Variants in CFLAR observed in about 807,000 individuals in gnomAD.
CFLAR encodes the protein CASP8 and FADD-like apoptosis regulator.
A neutral mutation model predicts 51.1 loss-of-function variants in CFLAR; 14 were observed. The ratio of observed to expected loss-of-function variants is 0.27; its 90% confidence interval spans 0.18 to 0.43. The LOEUF (loss-of-function observed/expected upper bound fraction) is 0.43, where lower values mean the gene tolerates loss of function less well. Among genes scored for constraint, CFLAR ranks in the 20% least tolerant of loss-of-function variants. The pLI, the probability that CFLAR is intolerant of heterozygous loss-of-function variation, is 1.00. For synonymous variants in CFLAR, 210 were observed against 211.6 expected (o/e 0.99, Z 0.06); for missense variants, 390 against 566.5 (o/e 0.69, Z 3.16).
rs1943346452 is a variant in CFLAR, at chr2:201,164,353, A to T, written c.*380A>T. The T allele has an allele frequency of 6.4e-6, 1 of 157,232 alleles. No individual in the cohort carries two copies. Among genetic ancestry groups the T allele is most frequent in the South Asian group, 1.8e-4 (1 of 5,492 alleles). 9.7% of individuals were successfully genotyped at this position (157,232 alleles called of 1,614,324 possible). Reference sequence around the variant, plus strand: ...GTTTCTCTAGAGGGACAGAACTAATAGGATACATGTATATAAAAAGGGGAG... The same window carrying T: ...GTTTCTCTAGAGGGACAGAACTAATTGGATACATGTATATAAAAAGGGGAG... On this transcript the variant is annotated 3_prime_UTR_variant, in exon 10 of 10. Transcript: ENST00000309955.
At chr2:201,130,187 G>GGA in intron 2 of CFLAR, 41 bp downstream of exon 2, 3 of 292,388 alleles carry the variant, frequency 1.0e-5, no homozygotes, top group East Asian at 9.3e-5. Context: ...GGGTGGGAGG[G>GGA]AGTGAAGTGT....
intron 7 of CFLAR, 32 bp from the exon 8 acceptor site, chr2:201,149,720 CAG>C (rs760646519): frequency 6.6e-7 from 1 of 1,524,604 alleles, no homozygotes; most frequent in East Asian, 2.3e-5. Flanking sequence ...GAGCAATATC[CAG>C]AGTCTTTAGC....
At chr2:201,140,755 G>GTA (rs1253345171) in intron 5 of CFLAR, 53 of 191,618 alleles carry the variant, frequency 2.8e-4, no homozygotes, top group African/African-American at 1.3e-3. Context: ...GTATCTGTAT[G>GTA]TATGTATATA....
Position 201,164,096 on chromosome 2 carries a change from C to T in CFLAR, c.*123C>T. On this transcript the variant is annotated 3_prime_UTR_variant, in exon 10 of 10. Transcript: ENST00000309955. Reference sequence around the variant, plus strand: ...GCCTGGCCAACATGGTAAACGCTGTCCCTAGTAAAAATACAAAAATTAGCT... The same window carrying T: ...GCCTGGCCAACATGGTAAACGCTGTTCCTAGTAAAAATACAAAAATTAGCT... 1.5e-6 allele frequency: 1 copy of T among 687,970 alleles called. No homozygotes were observed. The highest frequency in any genetic ancestry group is 2.3e-6 in the Non-Finnish European group (1 of 436,448). The allele number at this position is 687,970 out of a possible 1,614,324, so 42.6% of individuals were successfully genotyped here.
rs1266683172 is a variant in CFLAR at position 201,170,727 on chromosome 2, G to A, written c.*6754G>A. The stretch of plus-strand genomic sequence containing the variant: ...TAATCTTTGTATGTGTTCATGTATA[G>A]CTTTTACATGATTGGAATCATAATG... On this transcript the variant is annotated 3_prime_UTR_variant, in exon 10 of 10. Coordinates refer to ENST00000309955, the MANE Select transcript of CFLAR (RefSeq NM_003879.7). The A allele has an allele frequency of 4.6e-5, 7 of 152,080 alleles. No individual in the cohort carries two copies. Among genetic ancestry groups the A allele is most frequent in the African/African-American group, 1.7e-4 (7 of 41,400 alleles). 9.4% of individuals were successfully genotyped at this position (152,080 alleles called of 1,614,324 possible).
At chr2:201,127,366 C>T (rs1374122435) in intron 1 of CFLAR, among the ~76,000 whole-genome samples, 1 of 152,070 alleles carries the variant, frequency 6.6e-6, no homozygotes, top group Non-Finnish European at 1.5e-5. Flanking sequence ...CTCTAAAGAA[C>T]TCATTCATCT....
chr2:201,138,562 G>A lies in CFLAR; in HGVS notation c.524-1795G>A. 1 of 1,595,868 alleles carries A rather than the reference G, an allele frequency of 6.3e-7. No homozygotes were observed. ...AGGGTGGTGTGGTCCTTCTCAGCAA[G>A]AAAGTCGATGTCTCGGGAGGTGACG... is the stretch of plus-strand genomic sequence containing the variant. On this transcript the variant is annotated intron_variant, in intron 4 of 9. Coordinates refer to ENST00000309955, the MANE Select transcript of CFLAR (RefSeq NM_003879.7). This position sits in a 1 kb window ranked among gnomAD's most constrained non-coding sequence, Gnocchi z 4.0.
chr2:201,163,298 C>G (rs1943240015), intron 9 of CFLAR: 1 of 1,265,812 alleles, frequency 7.9e-7, no homozygotes, highest in South Asian at 2.0e-5. Flanking sequence ...TCCATTTAAG[C>G]TGAATGAAGC....
rs1399355777 is a variant in CFLAR at position 201,171,246 on chromosome 2, C to T, written c.*7273C>T. 6.6e-6 allele frequency: 1 copy of T among 152,018 alleles called. No homozygotes were observed. The highest frequency in any genetic ancestry group is 1.5e-5 in the Non-Finnish European group (1 of 68,012). The allele number at this position is 152,018 out of a possible 1,614,324, so 9.4% of individuals were successfully genotyped here. A position where few individuals can be genotyped will look rare whatever the true frequency, so the allele number is the denominator to read the frequency against. On this transcript the variant is annotated 3_prime_UTR_variant, in exon 10 of 10. Transcript: ENST00000309955. ...TGCACCAGAATCTCACAAGTAACCA[C>T]TTAATTACTTACGCATGTAACCAGA...
At chr2:201,149,132 T>A in intron 7 of CFLAR, 80 bp downstream of exon 7, 1 of 941,216 alleles carries the variant, frequency 1.1e-6, no homozygotes, top group Non-Finnish European at 1.7e-6. Flanking sequence ...TACCTGTCCA[T>A]TAAGAATTCT....
chr2:201,157,450 A>G (rs1394658207), intron 8 of CFLAR, among the ~76,000 whole-genome samples: 1 of 151,304 alleles, frequency 6.6e-6, no homozygotes, highest in Non-Finnish European at 1.5e-5. Flanking sequence ...CCTCACAGTC[A>G]CCTTTTGAAG....
At position 201,165,636 on chromosome 2, in the gene CFLAR, T is replaced by C; in HGVS notation, c.*1663T>C. On this transcript the variant is annotated 3_prime_UTR_variant, in exon 10 of 10. Transcript: ENST00000309955. ...CTTGGGTGTTTCTCACAGAGGGTGA[T>C]TTGGCAGGGTCACAGGACAATAGTG... 1 of 157,176 alleles carries C rather than the reference T, an allele frequency of 6.4e-6. No homozygotes were observed. Among genetic ancestry groups the C allele is most frequent in the Non-Finnish European group, 1.4e-5 (1 of 72,062 alleles). The allele number at this position is 157,176 out of a possible 1,614,324, so 9.7% of individuals were successfully genotyped here. A position where few individuals can be genotyped will look rare whatever the true frequency, so the allele number is the denominator to read the frequency against.
chr2:201,155,557 C>G (rs1200481293), intron 8 of CFLAR, among the ~76,000 whole-genome samples: 2 of 152,066 alleles, frequency 1.3e-5, no homozygotes, highest in Non-Finnish European at 2.9e-5. Context: ...AGCCATCGCA[C>G]CTGGCCAAGA....
At position 201,124,649 on chromosome 2, in the gene CFLAR, C is replaced by T. The variant is rs1327417141; in HGVS notation, c.-137-5080C>T. On this transcript the variant is annotated intron_variant, in intron 1 of 9. Transcript: ENST00000309955. The surrounding 1 kb of genome is among the most constrained non-coding windows in gnomAD (Gnocchi z 4.7). ...CGCGCCTGGCCAGTTCAGGCATGAA[C>T]TTTAGAAATTTCACTTAGATGGAAG... 1.3e-5 allele frequency among the ~76,000 whole-genome samples: 2 copies of T among 152,074 alleles called. No homozygotes were observed. Among genetic ancestry groups the T allele is most frequent in the African/African-American group, 2.4e-5 (1 of 41,402 alleles).
intron 5 of CFLAR, chr2:201,140,811 A>AT (rs1333446828): frequency 7.5e-5 from 12 of 159,696 alleles, no homozygotes; most frequent in East Asian, 3.6e-4. Context: ...ACAATTGGAC[A>AT]TTTTTTTCAC....
In CFLAR at chr2:201,166,221, C is replaced by G. The variant is rs574832871; in HGVS notation, c.*2248C>G. The G allele has an allele frequency of 6.4e-6, 1 of 157,088 alleles. No homozygotes were observed. Among genetic ancestry groups the G allele is most frequent in the Non-Finnish European group, 1.4e-5 (1 of 71,982 alleles). 9.7% of individuals were successfully genotyped at this position (157,088 alleles called of 1,614,324 possible). A position where few individuals can be genotyped will look rare whatever the true frequency, so the allele number is the denominator to read the frequency against. ...GCTGGCCGGGCGGGGGCTGACCCCC[C>G]ACCTCCCTCCCCGACGGGGCGGCTG... is the stretch of plus-strand genomic sequence containing the variant. On this transcript the variant is annotated 3_prime_UTR_variant, in exon 10 of 10. Transcript: ENST00000309955.
At chr2:201,152,970 C>T (rs1941526345) in intron 8 of CFLAR, 1 of 152,242 alleles carries the variant, frequency 6.6e-6, no homozygotes, top group Non-Finnish European at 1.5e-5. Flanking sequence ...TATCTGTATA[C>T]GAGCTCCAAG....
Position 201,160,738 on chromosome 2 carries a change from T to G in CFLAR, c.1100T>G (p.Leu367Arg), listed in dbSNP as rs1449022022. ...AACTATGTGGTGTCAGAGGGCCAGC[T>G]GGAGGACAGCAGCCTCTTGGAGGTG... ...IQNYVVSEGQ[L>R]EDSSLLEVDG... Residue 367 changes from leucine (L) to arginine (R), a missense_variant, in exon 9 of 10, where the codon CTG (leucine) becomes CGG (arginine). Leu to Arg is a moderately radical substitution (Grantham distance 102). Coordinates refer to ENST00000309955, the MANE Select transcript of CFLAR (RefSeq NM_003879.7). The G allele has an allele frequency of 6.2e-7, 1 of 1,614,166 alleles. No individual in the cohort carries two copies.
chr2:201,124,104 A>T lies in CFLAR; in HGVS notation c.-137-5625A>T, dbSNP rs2048454493. 6.6e-6 allele frequency among the ~76,000 whole-genome samples: 1 copy of T among 152,196 alleles called. No homozygotes were observed. The highest frequency in any genetic ancestry group is 2.4e-5 in the African/African-American group (1 of 41,450). The stretch of plus-strand genomic sequence containing the variant: ...ACTAGAGAAGCAGTAGAAAGAAGGG[A>T]ATGTTAAGTACGTCTTTGGATGGCT... On this transcript the variant is annotated intron_variant, in intron 1 of 9. Transcript: ENST00000309955. This position sits in a 1 kb window ranked among gnomAD's most constrained non-coding sequence, Gnocchi z 4.7.
Sources: allele counts gnomAD v4.1 joint callset (sites outside exome capture counted in the v4.1 genomes callset), GRCh38; gene constraint gnomAD v4.1.1; non-coding constraint Gnocchi (gnomAD v3.1); transcripts MANE v1.5; gene names NCBI Gene and HGNC (gene_info 2026-07-23, HGNC 2026-07-21).